ZNF705B: variants seen among roughly 807,000 people sequenced by gnomAD.
ZNF705B encodes the protein zinc finger protein 705B, also known as Putative zinc finger protein 705D-like protein LOC100132396.
Under a neutral mutation model 10.5 loss-of-function variants are expected in ZNF705B, and 1 was observed. The ratio of observed to expected loss-of-function variants is 0.10; its 90% confidence interval spans 0.03 to 0.45. The LOEUF (loss-of-function observed/expected upper bound fraction) is 0.45, where lower values mean the gene tolerates loss of function less well. Ranked by LOEUF, ZNF705B falls within the 20% of genes least tolerant of loss-of-function variation. The probability of loss-of-function intolerance (pLI) is 0.97; values close to 1 mark genes in which losing one functional copy is unlikely to be tolerated. For synonymous variants in ZNF705B, 4 were observed against 25.4 expected (o/e 0.16, Z 2.53); for missense variants, 14 against 84.0 (o/e 0.17, Z 3.26).
chr8:7,931,551 G>T (rs1356354740), intron 2 of ZNF705B, among the ~76,000 whole-genome samples: 1 of 122,112 alleles, frequency 8.2e-6, no homozygotes, highest in Non-Finnish European at 2.0e-5. Flanking sequence ...CAGCAGTGTG[G>T]GTTGATCCCC....
Position 7,931,204 on chromosome 8 carries a change from C to A in ZNF705B, c.-72+768C>A, listed in dbSNP as rs1191137224. Among the ~76,000 whole-genome samples, 115 of 120,852 alleles carry A rather than the reference C, an allele frequency of 9.5e-4. 1 individual carries two copies. Among genetic ancestry groups the A allele is most frequent in the African/African-American group, 2.7e-3 (107 of 39,576 alleles). The allele number at this position is 120,852 out of a possible 152,430, so 79.3% of individuals were successfully genotyped here. ...TCGGTAGATAGGCATGCCCTCAAGA[C>A]CCTGGGAGGCATGTGTAGCATCAGC... On this transcript the variant is annotated intron_variant, in intron 2 of 6. Coordinates refer to ENST00000400120, the MANE Select transcript of ZNF705B (RefSeq NM_001193630.1).
At chr8:7,928,496 A>C (rs1159700852) in intron 1 of ZNF705B, among the ~76,000 whole-genome samples, 1 of 120,588 alleles carries the variant, frequency 8.3e-6, no homozygotes, top group Non-Finnish European at 2.0e-5. Flanking sequence ...TTACTTTAGA[A>C]GCTCACAGTG....
chr8:7,928,748 G>A (rs1193327383), intron 1 of ZNF705B, among the ~76,000 whole-genome samples: 76 of 6,424 alleles, frequency 0.012, 10 homozygotes, highest in Non-Finnish European at 0.043. Context: ...TAACCAGGTA[G>A]CAAAAAAAAA....
intron 2 of ZNF705B, among the ~76,000 whole-genome samples, chr8:7,940,423 A>AT (rs1162073032): frequency 6.1e-5 from 8 of 131,054 alleles, no homozygotes; most frequent in African/African-American, 2.2e-4. Flanking sequence ...CTTTATTATT[A>AT]TTTTTTTTTT....
chr8:7,951,028 A>G (rs1303852843), intron 6 of ZNF705B, among the ~76,000 whole-genome samples: 11 of 25,444 alleles, frequency 4.3e-4, no homozygotes, highest in Admixed American at 1.3e-3. Flanking sequence ...TGCAGTTGAG[A>G]TCTTACAGAA....
intron 1 of ZNF705B, among the ~76,000 whole-genome samples, chr8:7,927,030 C>G (rs933149028): frequency 8.4e-6 from 1 of 119,664 alleles, no homozygotes; most frequent in African/African-American, 2.5e-5. Context: ...ATACCACTTT[C>G]AAGACTCGTG....
rs1320397376 is a variant in ZNF705B, at chr8:7,933,095, G to C, written c.-72+2659G>C. ...CTGTTAATCAGCTGACCTTAAAATAGGGAGATTATCTTAGATTATCCAGGT... is the reference window on the plus strand; with the variant it reads ...CTGTTAATCAGCTGACCTTAAAATACGGAGATTATCTTAGATTATCCAGGT... On this transcript the variant is annotated intron_variant, in intron 2 of 6. Transcript: ENST00000400120. Among the ~76,000 whole-genome samples the C allele has an allele frequency of 9.2e-3, 1,067 of 116,526 alleles. 32 individuals carry two copies. Among genetic ancestry groups the C allele is most frequent in the African/African-American group, 0.026 (1,020 of 38,892 alleles). 76.4% of individuals were successfully genotyped at this position (116,526 alleles called of 152,430 possible).
At chr8:7,940,836 T>A in intron 2 of ZNF705B, among the ~76,000 whole-genome samples, 1 of 140,264 alleles carries the variant, frequency 7.1e-6, no homozygotes, top group Non-Finnish European at 1.6e-5. Flanking sequence ...CCTGATACTC[T>A]CCCTCCACCT....
intron 1 of ZNF705B, among the ~76,000 whole-genome samples, chr8:7,927,294 AT>A (rs1282289533): frequency 8.3e-6 from 1 of 119,952 alleles, no homozygotes; most frequent in Admixed American, 9.6e-5. Flanking sequence ...AATTTTAGGG[AT>A]TTTTTTGAGA....
intron 2 of ZNF705B, among the ~76,000 whole-genome samples, chr8:7,937,672 C>A: frequency 8.6e-6 from 1 of 116,258 alleles, no homozygotes; most frequent in Non-Finnish European, 2.0e-5. Flanking sequence ...TCAGTAATGC[C>A]ACAAGGATAA....
rs1160416259 is a variant in ZNF705B at position 7,929,075 on chromosome 8, C to T, written c.-221-1212C>T. On this transcript the variant is annotated intron_variant, in intron 1 of 6. Coordinates refer to ENST00000400120, the MANE Select transcript of ZNF705B (RefSeq NM_001193630.1). ...CATGTAACAAAAAACTATGTGTACC[C>T]CAAAAACTACTGAAATTTGAAAAGA... 3.3e-5 allele frequency among the ~76,000 whole-genome samples: 4 copies of T among 121,222 alleles called. 1 individual carries two copies. Among genetic ancestry groups the T allele is most frequent in the Admixed American group, 9.4e-5 (1 of 10,630 alleles). The allele number at this position is 121,222 out of a possible 152,430, so 79.5% of individuals were successfully genotyped here.
At chr8:7,931,432 G>A (rs1325087797) in intron 2 of ZNF705B, among the ~76,000 whole-genome samples, 5 of 121,658 alleles carry the variant, frequency 4.1e-5, no homozygotes, top group Non-Finnish European at 2.0e-5. Context: ...GATGGTGATA[G>A]GTATGGTGGA....
At chr8:7,930,141 C>A (rs1336421333) in intron 1 of ZNF705B, 146 bp from the exon 2 acceptor site, 1 of 116,174 alleles carries the variant, frequency 8.6e-6, no homozygotes, top group African/African-American at 2.6e-5. Flanking sequence ...CCTCCCTCCA[C>A]CCTCTAGTAG....
intron 2 of ZNF705B, chr8:7,934,708 G>GTGTGT: frequency 9.9e-6 from 1 of 101,110 alleles, no homozygotes; most frequent in Non-Finnish European, 1.8e-5. Context: ...GTGTGTGTGT[G>GTGTGT]TGTGTGTGTG....
rs568172880 is a variant in ZNF705B at position 7,932,980 on chromosome 8, C to T, written c.-72+2544C>T. ...GCAGAATAATGTCCCCTCTGTCTCC[C>T]GCCAAAGCTATCCACATCCTAACTC... On this transcript the variant is annotated intron_variant, in intron 2 of 6. Coordinates refer to ENST00000400120, the MANE Select transcript of ZNF705B (RefSeq NM_001193630.1). Among the ~76,000 whole-genome samples, 65 of 115,132 alleles carry T rather than the reference C, an allele frequency of 5.6e-4. 2 individuals are homozygous for T. Among genetic ancestry groups the T allele is most frequent in the Non-Finnish European group, 9.8e-4 (47 of 48,150 alleles). The allele number at this position is 115,132 out of a possible 152,430, so 75.5% of individuals were successfully genotyped here.
chr8:7,936,769 C>T (rs1820026988), intron 2 of ZNF705B, among the ~76,000 whole-genome samples: 1 of 120,068 alleles, frequency 8.3e-6, no homozygotes, highest in Admixed American at 9.6e-5. Context: ...TTTGGGTACA[C>T]CCTACCTGTG....
intron 2 of ZNF705B, among the ~76,000 whole-genome samples, chr8:7,940,224 C>A (rs1390940205): frequency 1.4e-5 from 2 of 146,714 alleles, no homozygotes; most frequent in African/African-American, 5.0e-5. Context: ...ATCTACCCCT[C>A]CTTTTAAGTT....
At chr8:7,929,886 C>T (rs867574508) in intron 1 of ZNF705B, among the ~76,000 whole-genome samples, 1,050 of 10,230 alleles carry the variant, frequency 0.1, 16 homozygotes, top group East Asian at 0.5. Flanking sequence ...TAGAAATTGG[C>T]TAAAATAAAA....
At chr8:7,932,751 G>T (rs1377876960) in intron 2 of ZNF705B, among the ~76,000 whole-genome samples, 3 of 116,420 alleles carry the variant, frequency 2.6e-5, no homozygotes, top group Non-Finnish European at 4.1e-5. Context: ...GCCAAATCAG[G>T]CATAGTGAAA....
Sources: allele counts gnomAD v4.1 joint callset (sites outside exome capture counted in the v4.1 genomes callset), GRCh38; gene constraint gnomAD v4.1.1; transcripts MANE v1.5; gene names NCBI Gene and HGNC (gene_info 2026-07-23, HGNC 2026-07-21).